The following NBAS variants were observed in gnomAD, a reference collection of about 807,000 sequenced individuals.
NBAS encodes the protein NAG/BC035112 fusion.
NBAS carries 219 observed loss-of-function variants against 302.5 expected under a neutral mutation model. The observed-to-expected ratio is 0.72, with a 90% CI of 0.65 to 0.81. The LOEUF (loss-of-function observed/expected upper bound fraction) is 0.81. NBAS is among the 30% of genes least tolerant of loss of function. The pLI is 0.00. For missense variants in NBAS, 2,932 were observed against 2,841.6 expected, an observed-to-expected ratio of 1.03 and a Z score of -0.72; for synonymous variants, 1,118 against 1,021.6, an observed-to-expected ratio of 1.09 and a Z score of -1.80.
At chr2:14,816,048 T>C in the NBAS span, among the ~76,000 whole-genome samples, 17 of 152,224 alleles carry the variant, frequency 1.1e-4, no homozygotes, top group Non-Finnish European at 1.9e-4. Flanking sequence ...TTTCTTCCTC[T>C]CTACTGCATC....
At chr2:15,401,132 T>G (rs1451451223) in intron 26 of NBAS, among the ~76,000 whole-genome samples, 1 of 151,832 alleles carries the variant, frequency 6.6e-6, no homozygotes, top group Admixed American at 6.6e-5. Context: ...AGCCCAACTT[T>G]GAAACTTAAA....
chr2:14,934,179 AC>A, the NBAS span, among the ~76,000 whole-genome samples: 1 of 152,090 alleles, frequency 6.6e-6, no homozygotes, highest in Non-Finnish European at 1.5e-5. Flanking sequence ...TGTAAAGTCC[AC>A]CCCATTTTCT....
the NBAS span, among the ~76,000 whole-genome samples, chr2:14,879,697 A>T: frequency 6.6e-6 from 1 of 152,224 alleles, no homozygotes; most frequent in Non-Finnish European, 1.5e-5. Context: ...TAGCATGCCT[A>T]CAGGATGACT....
chr2:15,097,096 G>A, the NBAS span, among the ~76,000 whole-genome samples: 1 of 152,190 alleles, frequency 6.6e-6, no homozygotes, highest in Admixed American at 6.5e-5. Flanking sequence ...CCAGGGTAGA[G>A]TTAGCCTGTC....
chr2:14,871,537 GTTA>G, the NBAS span, among the ~76,000 whole-genome samples: 2 of 151,970 alleles, frequency 1.3e-5, no homozygotes, highest in African/African-American at 4.8e-5. Flanking sequence ...TCAATATAAA[GTTA>G]TTTTTTCTTA....
intron 47 of NBAS, among the ~76,000 whole-genome samples, chr2:15,224,542 G>C (rs1355940876): frequency 6.6e-6 from 1 of 152,178 alleles, no homozygotes; most frequent in Admixed American, 6.5e-5. Flanking sequence ...TTGCATAGTA[G>C]ATGCCAATGT....
intron 26 of NBAS, among the ~76,000 whole-genome samples, chr2:15,399,740 G>A (rs1332338874): frequency 6.6e-6 from 1 of 152,246 alleles, no homozygotes; most frequent in East Asian, 1.9e-4. Context: ...ACCATTCAGT[G>A]AACACCACAA....
At chr2:14,903,334 A>ATAAAAG in the NBAS span, among the ~76,000 whole-genome samples, 1 of 149,824 alleles carries the variant, frequency 6.7e-6, no homozygotes, top group Non-Finnish European at 1.5e-5. Context: ...TTGCAAAAAA[A>ATAAAAG]AAAAAAAGAA....
At chr2:15,033,525 A>G in the NBAS span, among the ~76,000 whole-genome samples, 1 of 152,118 alleles carries the variant, frequency 6.6e-6, no homozygotes, top group Non-Finnish European at 1.5e-5. Flanking sequence ...CCTGGGGTGG[A>G]ATGTTAAGGA....
At chr2:14,863,232 T>C in the NBAS span, among the ~76,000 whole-genome samples, 2 of 152,150 alleles carry the variant, frequency 1.3e-5, no homozygotes, top group African/African-American at 4.8e-5. Flanking sequence ...GTCATGCATG[T>C]CCATATAGAA....
chr2:15,199,421 G>GTA (rs776752677), intron 48 of NBAS, among the ~76,000 whole-genome samples: 24 of 152,234 alleles, frequency 1.6e-4, no homozygotes, highest in Non-Finnish European at 2.6e-4. Flanking sequence ...CTAGAAAGTA[G>GTA]TATAGTACCT....
intron 32 of NBAS, among the ~76,000 whole-genome samples, chr2:15,360,786 T>C (rs1250210929): frequency 6.6e-6 from 1 of 151,970 alleles, no homozygotes; most frequent in Non-Finnish European, 1.5e-5. Flanking sequence ...ATTGTCCCAC[T>C]GGAAGGCCTT....
the NBAS span, among the ~76,000 whole-genome samples, chr2:15,040,189 G>A: frequency 5.3e-5 from 8 of 152,128 alleles, no homozygotes; most frequent in African/African-American, 1.4e-4. Flanking sequence ...GTTTTTCTCC[G>A]CTGCAGAGTC....
At chr2:15,499,443 T>C (rs1203140602) in intron 11 of NBAS, among the ~76,000 whole-genome samples, 1 of 152,220 alleles carries the variant, frequency 6.6e-6, no homozygotes, top group Non-Finnish European at 1.5e-5. Context: ...AACAACACTA[T>C]GTCCTTTGCA....
chr2:15,401,472 C>G (rs919549685), intron 26 of NBAS, among the ~76,000 whole-genome samples: 7 of 151,992 alleles, frequency 4.6e-5, no homozygotes, highest in African/African-American at 1.7e-4. Flanking sequence ...TTTTGTAAAT[C>G]AGGAAACTAA....
intron 6 of NBAS, among the ~76,000 whole-genome samples, chr2:15,548,871 A>C (rs1664241515): frequency 6.6e-6 from 1 of 152,138 alleles, no homozygotes; most frequent in Non-Finnish European, 1.5e-5. Context: ...TGAAGAACAC[A>C]ATGGGGTTAG....
At chr2:15,325,954 A>C (rs909187783) in intron 38 of NBAS, among the ~76,000 whole-genome samples, 3 of 152,164 alleles carry the variant, frequency 2.0e-5, no homozygotes, top group Non-Finnish European at 4.4e-5. Flanking sequence ...CCTCATTTCA[A>C]TATTGTTGTG....
chr2:15,521,588 C>G (rs374688976), intron 9 of NBAS, among the ~76,000 whole-genome samples: 28 of 152,270 alleles, frequency 1.8e-4, no homozygotes, highest in African/African-American at 6.0e-4. Context: ...TCTTTATATG[C>G]TTTGACAAAG....
the NBAS span, among the ~76,000 whole-genome samples, chr2:15,017,771 A>G: frequency 1.3e-5 from 2 of 152,124 alleles, no homozygotes; most frequent in Admixed American, 6.5e-5. Context: ...TAGAACTACC[A>G]TATGATCCTG....
Sources: gnomAD v4.1 joint callset for allele counts (sites outside exome capture counted in the v4.1 genomes callset) on GRCh38, gnomAD v4.1.1 for gene constraint, MANE v1.5 for transcripts, NCBI Gene and HGNC (gene_info 2026-07-23, HGNC 2026-07-21) for gene names.